EARS2: variants seen among roughly 807,000 people sequenced by gnomAD.
The protein encoded by EARS2 is glutamyl-tRNA synthetase 2, mitochondrial.
EARS2 carries 50 observed loss-of-function variants against 54.1 expected under a neutral mutation model. That is an observed-to-expected ratio of 0.92 (90% CI 0.74 to 1.17). The LOEUF (loss-of-function observed/expected upper bound fraction) is 1.17. Ranked by LOEUF, EARS2 falls within the 50% of genes most tolerant of loss-of-function variation. The pLI, the probability that EARS2 is intolerant of heterozygous loss-of-function variation, is 0.00. For missense variants in EARS2, 673 were observed against 675.0 expected, an observed-to-expected ratio of 1.00 and a Z score of 0.03; for synonymous variants, 298 against 281.0, an observed-to-expected ratio of 1.06 and a Z score of -0.61.
intron 3 of EARS2, among the ~76,000 whole-genome samples, chr16:23,535,909 T>A (rs1443029666): frequency 6.6e-6 from 1 of 152,184 alleles, no homozygotes; most frequent in Non-Finnish European, 1.5e-5. Context: ...TACTTGCAAC[T>A]GCAGGAGGGA....
intron 1 of EARS2, among the ~76,000 whole-genome samples, chr16:23,555,370 C>A (rs1180642959): frequency 6.6e-6 from 1 of 152,162 alleles, no homozygotes; most frequent in Non-Finnish European, 1.5e-5. Flanking sequence ...CACTTGTAGT[C>A]CCAGCTACTC....
At position 23,552,219 on chromosome 16, in the gene EARS2, T is replaced by C. The variant is rs753239485; in HGVS notation, c.225A>G (p.Leu75=). Residue 75 remains leucine, a synonymous_variant, in exon 2 of 9, where the codon CTA becomes CTG. Transcript: ENST00000449606. ...CAACGCGAGTCTGATCTGTGTCCTC[T>C]AGCCTCAGGATGAAGCTCCCCTGGT... ...KKYQGSFILR[L]EDTDQTRVVP... 5.6e-6 allele frequency: 9 copies of C among 1,614,242 alleles called. 1 individual carries two copies. The highest frequency in any genetic ancestry group is 1.6e-4 in the Middle Eastern group (1 of 6,062).
chr16:23,549,603 A>G (rs1016292809), intron 2 of EARS2, among the ~76,000 whole-genome samples: 5 of 152,170 alleles, frequency 3.3e-5, no homozygotes, highest in South Asian at 2.1e-4. Flanking sequence ...AGCTGGGACT[A>G]TAAGAGTGCA....
chr16:23,532,778 G>A lies in EARS2; in HGVS notation c.959-13C>T, dbSNP rs1241085255. 1.3e-6 allele frequency: 2 copies of A among 1,595,994 alleles called. No individual in the cohort carries two copies. Among genetic ancestry groups the A allele is most frequent in the Non-Finnish European group, 8.6e-7 (1 of 1,165,130 alleles). ...CCCATTTGGTTCTCTGCAAAGAAGA[G>A]AGGCCCAGCCACTCAGCTTCCTCTC... On this transcript the variant is annotated splice_polypyrimidine_tract_variant and intron_variant, in intron 4 of 8. Transcript: ENST00000449606.
intron 1 of EARS2, among the ~76,000 whole-genome samples, chr16:23,555,387 T>C (rs564182990): frequency 6.6e-6 from 1 of 151,884 alleles, no homozygotes; most frequent in African/African-American, 2.4e-5. Context: ...ACTCGGGAGG[T>C]TGAGGTGGGA....
At chr16:23,530,048 T>TA (rs1965298834) in intron 5 of EARS2, 151 bp from the exon 6 acceptor site, 6 of 967,390 alleles carry the variant, frequency 6.2e-6, no homozygotes, top group Non-Finnish European at 9.0e-6. Flanking sequence ...TTCACGTTTA[T>TA]AAAAAGAAAG....
At chr16:23,537,155 T>C in intron 3 of EARS2, 1 of 213,624 alleles carries the variant, frequency 4.7e-6, no homozygotes, top group Non-Finnish European at 1.0e-5. Flanking sequence ...AGTAAGTTGC[T>C]CCAGAAAAAC....
rs369291371 is a variant in EARS2 at position 23,529,771 on chromosome 16, G to A, written c.1194C>T (p.Tyr398=). The A allele has an allele frequency of 3.2e-5, 52 of 1,614,156 alleles. No homozygotes were observed. The highest frequency in any genetic ancestry group is 5.3e-5 in the African/African-American group (4 of 75,034). The change falls in exon 6 of 9, where the codon TAC becomes TAT. Residue 398 remains tyrosine, a synonymous_variant. Coordinates refer to ENST00000449606, the MANE Select transcript of EARS2 (RefSeq NM_001083614.2). ...LQNRDVLNPV[Y]VERILLLRQG... The stretch of plus-strand genomic sequence containing the variant: ...GTCTCAGCAGGAGGATCCTCTCCAC[G>A]TAGACTGGGTTGAGGACATCCCTGT...
chr16:23,546,065 G>A (rs954780465), intron 2 of EARS2, among the ~76,000 whole-genome samples: 7 of 152,206 alleles, frequency 4.6e-5, no homozygotes, highest in African/African-American at 1.7e-4. Flanking sequence ...GGAATTGTGA[G>A]AACAAATGTG....
intron 8 of EARS2, among the ~76,000 whole-genome samples, chr16:23,524,699 T>C (rs1333461977): frequency 2.0e-5 from 3 of 147,222 alleles, no homozygotes; most frequent in African/African-American, 2.5e-5. Flanking sequence ...CAGGCTGGAA[T>C]ACAACGGTGC....
At chr16:23,539,481 C>T (rs959809895) in intron 3 of EARS2, among the ~76,000 whole-genome samples, 21 of 152,086 alleles carry the variant, frequency 1.4e-4, no homozygotes, top group African/African-American at 5.1e-4. Context: ...CCATCATGAC[C>T]CATAGGGTTC....
chr16:23,548,451 T>G (rs564220750), intron 2 of EARS2, among the ~76,000 whole-genome samples: 87 of 152,032 alleles, frequency 5.7e-4, no homozygotes, highest in African/African-American at 2.1e-3. Flanking sequence ...TCCACGAGGG[T>G]GGGACCCGCC....
chr16:23,531,287 G>T (rs1207190213), intron 5 of EARS2, among the ~76,000 whole-genome samples: 1 of 150,516 alleles, frequency 6.6e-6, no homozygotes, highest in African/African-American at 2.4e-5. Context: ...TTGAGACGGA[G>T]TCTTGTTCTG....
intron 4 of EARS2, among the ~76,000 whole-genome samples, chr16:23,533,016 G>C (rs554288484): frequency 6.6e-6 from 1 of 152,282 alleles, no homozygotes; most frequent in East Asian, 1.9e-4. Flanking sequence ...GCCAGGCATG[G>C]TGGCTTACAC....
chr16:23,547,957 G>A (rs1401328076), intron 2 of EARS2, among the ~76,000 whole-genome samples: 2 of 151,924 alleles, frequency 1.3e-5, no homozygotes, highest in African/African-American at 2.4e-5. Context: ...ATAGCCAGGC[G>A]CGGTGGCTCA....
chr16:23,529,895 A>G lies in EARS2; in HGVS notation c.1070T>C (p.Leu357Pro). The change falls in exon 6 of 9, where the codon CTG becomes CCG. Residue 357 changes from leucine to proline, a missense_variant and splice_region_variant. By Grantham distance (98) the Leu-to-Pro change is moderately conservative (BLOSUM62 -3). This residue lies in a region of EARS2 where 338 missense variants were observed against 361.2 expected (regional missense o/e 0.94). Coordinates refer to ENST00000449606, the MANE Select transcript of EARS2 (RefSeq NM_001083614.2). ...ATTGCTCACCAGCCGCTGGAGGTGC[A>G]GTCTGCGGAAGAAATCAAGGGGCTG... ...DLEKLPEFNR[L>P]HLQRLVSNES... is the part of the protein sequence containing the mutation. 1.2e-6 allele frequency: 2 copies of G among 1,614,076 alleles called. No individual in the cohort carries two copies. The highest frequency in any genetic ancestry group is 1.7e-6 in the Non-Finnish European group (2 of 1,180,002).
intron 1 of EARS2, among the ~76,000 whole-genome samples, chr16:23,553,625 C>T (rs1334650531): frequency 6.6e-6 from 1 of 151,854 alleles, no homozygotes; most frequent in Non-Finnish European, 1.5e-5. Flanking sequence ...GGCATGGTGG[C>T]TCACACCTTT....
intron 4 of EARS2, among the ~76,000 whole-genome samples, chr16:23,533,281 C>T (rs977166646): frequency 1.3e-5 from 2 of 152,070 alleles, no homozygotes; most frequent in African/African-American, 4.8e-5. Context: ...GAGACTCTAT[C>T]AAATAAATAC....
At chr16:23,532,100 G>A (rs183049928) in intron 5 of EARS2, among the ~76,000 whole-genome samples, 2 of 152,134 alleles carry the variant, frequency 1.3e-5, no homozygotes, top group African/African-American at 2.4e-5. Flanking sequence ...GGTGTGAGCC[G>A]CCACACCCAG....
Sources: gnomAD v4.1 joint callset for allele counts (sites outside exome capture counted in the v4.1 genomes callset) on GRCh38, gnomAD v4.1.1 for gene constraint, gnomAD v4.1.1 regional missense constraint, MANE v1.5 for transcripts, NCBI Gene and HGNC (gene_info 2026-07-23, HGNC 2026-07-21) for gene names.